Variants in STAT2 observed in about 807,000 individuals in gnomAD.
The protein encoded by STAT2 is interferon alpha induced transcriptional activator.
A neutral mutation model predicts 122.3 loss-of-function variants in STAT2; 51 were observed. The ratio of observed to expected loss-of-function variants is 0.42; its 90% CI spans 0.33 to 0.53. STAT2 has a LOEUF of 0.53. Ranked by LOEUF, STAT2 falls within the 20% of genes least tolerant of loss-of-function variation. The pLI is 0.10. For missense variants in STAT2, 736 were observed against 1,010.3 expected, an observed-to-expected ratio of 0.73 and a Z score of 3.68; for synonymous variants, 351 against 394.9, an observed-to-expected ratio of 0.89 and a Z score of 1.32.
At chr12:56,358,592 T>G (rs1335745503) in intron 1 of STAT2, among the ~76,000 whole-genome samples, 1 of 152,194 alleles carries the variant, frequency 6.6e-6, no homozygotes, top group Non-Finnish European at 1.5e-5. Context: ...GTCAGGTAAG[T>G]ACACCATATA....
At chr12:56,351,597 A>T (rs1051127887) in intron 8 of STAT2, 147 bp from the exon 9 acceptor site, 1 of 810,924 alleles carries the variant, frequency 1.2e-6, no homozygotes, top group Admixed American at 3.0e-5. Flanking sequence ...ATAAAGGATT[A>T]TTCAACATGA....
In STAT2 at chr12:56,349,574, CT is replaced by C. The variant is rs759952121; in HGVS notation, c.1257+14del. 45 of 1,614,108 alleles carry C rather than the reference CT, an allele frequency of 2.8e-5. No homozygotes were observed. Among genetic ancestry groups the C allele is most frequent in the Non-Finnish European group, 1.7e-6 (2 of 1,180,048 alleles). ...GCAAGCTCCCCCTGCCTCGAGTCCT[CT>C]GTCCAGATCTCACCTTATTGCTGCC... On this transcript the variant is annotated intron_variant, in intron 14 of 23. Coordinates refer to ENST00000314128, the MANE Select transcript of STAT2 (RefSeq NM_005419.4).
intron 23 of STAT2, 56 bp from the exon 24 acceptor site, chr12:56,343,587 C>T: frequency 6.3e-7 from 1 of 1,585,378 alleles, no homozygotes; most frequent in African/African-American, 1.3e-5. Flanking sequence ...GTTCCCAACC[C>T]AGCAGGGAAA....
intron 8 of STAT2, among the ~76,000 whole-genome samples, chr12:56,352,176 G>T (rs938686792): frequency 6.6e-6 from 1 of 151,994 alleles, no homozygotes; most frequent in Non-Finnish European, 1.5e-5. Context: ...TGGGATTACA[G>T]GTGTGAGCCA....
chr12:56,350,937 G>A (rs747448618), intron 10 of STAT2, 49 bp from the exon 11 acceptor site: 19 of 1,603,356 alleles, frequency 1.2e-5, no homozygotes, highest in Middle Eastern at 1.6e-4. Flanking sequence ...TCAACCTTCC[G>A]GATAGACTAG....
In STAT2 at chr12:56,348,993, G is replaced by A; in HGVS notation, c.1507C>T (p.Gln503Ter). The A allele has an allele frequency of 6.2e-7, 1 of 1,614,002 alleles. No individual in the cohort carries two copies. The highest frequency in any genetic ancestry group is 8.5e-7 in the Non-Finnish European group (1 of 1,179,996). ...WSLLGPALSW[Q>*]FSSYVGRGLN... The stretch of plus-strand genomic sequence containing the variant: ...CCTCGGCCAACATAGGAGGAGAACT[G>A]CCAACTGAGAGCAGGGCCCAGCAAG... The change falls in exon 17 of 24, where the codon CAG becomes TAG. Residue 503 changes from glutamine (Q) to a stop codon, truncating the protein, a stop_gained. Transcript: ENST00000314128. LOFTEE classifies it high-confidence loss of function.
At chr12:56,345,508 A>T in intron 22 of STAT2, among the ~76,000 whole-genome samples, 1 of 31,392 alleles carries the variant, frequency 3.2e-5, no homozygotes. Context: ...AAAAAAAAAA[A>T]AAAAAAAAAA....
At chr12:56,354,220 G>C (rs1408572433) in intron 8 of STAT2, among the ~76,000 whole-genome samples, 1 of 149,472 alleles carries the variant, frequency 6.7e-6, no homozygotes, top group Non-Finnish European at 1.5e-5. Context: ...TATATTTCTG[G>C]GTGATTAAAA....
chr12:56,359,094 A>G (rs1879973256), intron 1 of STAT2, among the ~76,000 whole-genome samples: 1 of 152,210 alleles, frequency 6.6e-6, no homozygotes, highest in Non-Finnish European at 1.5e-5. Context: ...TACAAAATAA[A>G]GAGAAATGCT....
At chr12:56,354,016 A>AAAAAAAATAT (rs71081350) in intron 8 of STAT2, among the ~76,000 whole-genome samples, 3 of 16,696 alleles carry the variant, frequency 1.8e-4, no homozygotes, top group African/African-American at 3.3e-4. Context: ...AAAAAAAAAA[A>AAAAAAAATAT]ATATATATAT....
chr12:56,345,148 C>A (rs1239792946), intron 22 of STAT2, among the ~76,000 whole-genome samples: 1 of 120,696 alleles, frequency 8.3e-6, no homozygotes, highest in Non-Finnish European at 1.6e-5. Flanking sequence ...CACTCCAGCC[C>A]GGGCAATGAG....
In STAT2 at chr12:56,346,802, AG is replaced by A. The variant is rs1877538380; in HGVS notation, c.1861+16del. ...AGAAAGGAGAGGCTGTGGGAATGGC[AG>A]GGCAGAGCAGCTGACCATCATCCTG... On this transcript the variant is annotated intron_variant, in intron 20 of 23. Coordinates refer to ENST00000314128, the MANE Select transcript of STAT2 (RefSeq NM_005419.4). 1 of 1,613,968 alleles carries A rather than the reference AG, an allele frequency of 6.2e-7. No homozygotes were observed. The highest frequency in any genetic ancestry group is 1.7e-5 in the Admixed American group (1 of 59,996).
intron 13 of STAT2, 24 bp from the exon 14 acceptor site, chr12:56,349,660 A>G (rs760280830): frequency 2.5e-6 from 4 of 1,614,160 alleles, no homozygotes; most frequent in Middle Eastern, 1.6e-4. Context: ...GGAAGGAGAG[A>G]AAATGCCAGA....
chr12:56,358,818 C>A (rs775264414), intron 1 of STAT2, among the ~76,000 whole-genome samples: 2 of 152,026 alleles, frequency 1.3e-5, no homozygotes, highest in Non-Finnish European at 2.9e-5. Context: ...ATGGCTTGTA[C>A]CCAGGAGGCA....
At chr12:56,352,926 C>T (rs1349482714) in intron 8 of STAT2, among the ~76,000 whole-genome samples, 1 of 152,012 alleles carries the variant, frequency 6.6e-6, no homozygotes, top group Non-Finnish European at 1.5e-5. Context: ...CTCAAGCAAT[C>T]CTCCCACCTC....
Position 56,348,532 on chromosome 12 carries a change from T to A in STAT2, c.1721A>T (p.Asp574Val), listed in dbSNP as rs778855727. 6.2e-7 allele frequency: 1 copy of A among 1,614,146 alleles called. No individual in the cohort carries two copies. Residue 574 changes from aspartate to valine, a missense_variant, in exon 19 of 24, where the codon GAT becomes GTT. By Grantham distance (152) the Asp-to-Val change is radical. Transcript: ENST00000314128. ...VHDHLKDLWNDGRIMGFVSRS... is the reference protein window; with the variant it reads ...VHDHLKDLWNVGRIMGFVSRS... ...GGAAGGGTGACCAAGGCCTTACCCA[T>A]CATTCCAGAGATCCTTCAGGTGGTC...
In STAT2 at chr12:56,356,566, C is replaced by T. The variant is rs540438595; in HGVS notation, c.6G>A (p.Ala2=). The T allele has an allele frequency of 3.0e-5, 49 of 1,614,156 alleles. No homozygotes were observed. In the Admixed American group the frequency reaches 4.0e-4, roughly 13 times the overall value. M[A]QWEMLQNLDS... ...CAAGATTCTGCAGCATTTCCCACTGCGCCATTTGGGCTCTGCGTCAGAAGG... is the reference window on the plus strand; with the variant it reads ...CAAGATTCTGCAGCATTTCCCACTGTGCCATTTGGGCTCTGCGTCAGAAGG... Residue 2 remains alanine (A), a synonymous_variant, in exon 2 of 24, where the codon GCG becomes GCA. Coordinates refer to ENST00000314128, the MANE Select transcript of STAT2 (RefSeq NM_005419.4).
At position 56,344,020 on chromosome 12, in the gene STAT2, G is replaced by A. The variant is rs1212818823; in HGVS notation, c.2218C>T (p.Leu740=). ...EPELSLDLEP[L]LKAGLDLGPE... ...CCCAGATCCAGCCCTGCCTTCAGCAGTGGCTCTAAGTCCAGGCTGAGCTCT... is the reference window on the plus strand; with the variant it reads ...CCCAGATCCAGCCCTGCCTTCAGCAATGGCTCTAAGTCCAGGCTGAGCTCT... Residue 740 remains leucine (L), a synonymous_variant, in exon 23 of 24, where the codon CTG becomes TTG. Coordinates refer to ENST00000314128, the MANE Select transcript of STAT2 (RefSeq NM_005419.4). 6.2e-7 allele frequency: 1 copy of A among 1,613,444 alleles called. No homozygotes were observed. Among genetic ancestry groups the A allele is most frequent in the East Asian group, 2.2e-5 (1 of 44,898 alleles).
At chr12:56,359,535 T>C (rs1474434109) in intron 1 of STAT2, among the ~76,000 whole-genome samples, 1 of 152,186 alleles carries the variant, frequency 6.6e-6, no homozygotes, top group East Asian at 1.9e-4. Flanking sequence ...CCCAAATGGA[T>C]TGCAAACACT....
Sources: gnomAD v4.1 joint callset for allele counts (sites outside exome capture counted in the v4.1 genomes callset) on GRCh38, gnomAD v4.1.1 for gene constraint, MANE v1.5 for transcripts, NCBI Gene and HGNC (gene_info 2026-07-23, HGNC 2026-07-21) for gene names.